KIF18A: variants seen among roughly 807,000 people sequenced by gnomAD.
The protein encoded by KIF18A is kinesin family member 18A.
KIF18A carries 67 observed loss-of-function variants against 103.3 expected under a neutral mutation model. That is an observed-to-expected ratio of 0.65 (90% CI 0.53 to 0.79). KIF18A has a LOEUF of 0.79. Among genes scored for constraint, KIF18A ranks in the 30% least tolerant of loss-of-function variants. The pLI, the probability that KIF18A is intolerant of heterozygous loss-of-function variation, is 0.00. For synonymous variants in KIF18A, 367 were observed against 355.5 expected (o/e 1.03, Z -0.36); for missense variants, 1,032 against 1,062.5 (o/e 0.97, Z 0.40).
intron 15 of KIF18A, among the ~76,000 whole-genome samples, chr11:28,026,846 T>C (rs939562738): frequency 6.6e-6 from 1 of 151,800 alleles, no homozygotes; most frequent in African/African-American, 2.4e-5. Context: ...ACGAAACAGA[T>C]GATTGTGGTT....
At chr11:28,029,488 G>A (rs1315928878) in intron 15 of KIF18A, among the ~76,000 whole-genome samples, 2 of 152,120 alleles carry the variant, frequency 1.3e-5, no homozygotes, top group Non-Finnish European at 2.9e-5. Flanking sequence ...AGCCCTTCAT[G>A]CTAAAAACTC....
At chr11:28,054,969 C>T (rs745678180) in intron 13 of KIF18A, among the ~76,000 whole-genome samples, 10 of 152,062 alleles carry the variant, frequency 6.6e-5, no homozygotes, top group Non-Finnish European at 1.2e-4. Flanking sequence ...TAATGAGCAT[C>T]ATATAGCAGG....
intron 3 of KIF18A, among the ~76,000 whole-genome samples, chr11:28,093,547 G>A (rs1178815384): frequency 6.6e-6 from 1 of 151,976 alleles, no homozygotes; most frequent in Admixed American, 6.6e-5. Flanking sequence ...CTATTAAGAG[G>A]GTAGAAGGCC....
At chr11:28,041,029 T>C (rs1170450299) in intron 13 of KIF18A, among the ~76,000 whole-genome samples, 14 of 151,694 alleles carry the variant, frequency 9.2e-5, no homozygotes, top group African/African-American at 2.4e-5. Context: ...TGAAAAAAAG[T>C]TGTAGTCAGC....
chr11:28,052,413 A>G (rs1359025641), intron 13 of KIF18A, among the ~76,000 whole-genome samples: 1 of 151,838 alleles, frequency 6.6e-6, no homozygotes, highest in African/African-American at 2.4e-5. Context: ...TTTTCTTTGT[A>G]CCAGTTATAT....
intron 13 of KIF18A, among the ~76,000 whole-genome samples, chr11:28,057,745 C>A (rs995401478): frequency 1.3e-5 from 2 of 151,992 alleles, no homozygotes; most frequent in African/African-American, 4.8e-5. Context: ...TGTGAATACA[C>A]AGATGTGTTC....
intron 14 of KIF18A, 24 bp downstream of exon 14, chr11:28,036,193 T>C (rs374574063): frequency 2.3e-5 from 34 of 1,457,348 alleles, no homozygotes; most frequent in African/African-American, 7.1e-5. Flanking sequence ...AAAAAAAGAA[T>C]TGGCAAATAT....
At chr11:28,049,485 A>C (rs184393965) in intron 13 of KIF18A, among the ~76,000 whole-genome samples, 2 of 152,048 alleles carry the variant, frequency 1.3e-5, no homozygotes, top group Non-Finnish European at 2.9e-5. Context: ...ATAGAGCTGT[A>C]TGTTATTGTA....
chr11:28,034,078 C>T (rs1045713282), intron 15 of KIF18A, among the ~76,000 whole-genome samples: 5 of 151,722 alleles, frequency 3.3e-5, no homozygotes, highest in African/African-American at 1.2e-4. Context: ...TTATTGAGTT[C>T]TTCATCTCAG....
intron 13 of KIF18A, among the ~76,000 whole-genome samples, chr11:28,050,004 G>T (rs1850692213): frequency 6.6e-6 from 1 of 151,716 alleles, no homozygotes; most frequent in South Asian, 2.1e-4. Context: ...CATGGTTAGG[G>T]ATGTATAATA....
At chr11:28,031,561 T>G (rs544195261) in intron 15 of KIF18A, among the ~76,000 whole-genome samples, 10 of 151,872 alleles carry the variant, frequency 6.6e-5, no homozygotes, top group African/African-American at 1.9e-4. Flanking sequence ...GGGAAAGCAT[T>G]AGGAGATATA....
chr11:28,052,289 C>A (rs1565076591), intron 13 of KIF18A, among the ~76,000 whole-genome samples: 1 of 152,048 alleles, frequency 6.6e-6, no homozygotes, highest in Non-Finnish European at 1.5e-5. Flanking sequence ...GTCATGGCTC[C>A]TTGTTTTATT....
chr11:28,056,890 A>G (rs1365481553), intron 13 of KIF18A: 3 of 378,842 alleles, frequency 7.9e-6, no homozygotes, highest in Non-Finnish European at 5.3e-6. Context: ...TTTAGCTCAC[A>G]TAAGAAAAAT....
chr11:28,035,204 T>C (rs1485408182), intron 15 of KIF18A, among the ~76,000 whole-genome samples, 183 bp downstream of exon 15: 2 of 151,586 alleles, frequency 1.3e-5, no homozygotes, highest in East Asian at 3.9e-4. Context: ...GTGAAATACT[T>C]GAGTTTTTCA....
At chr11:28,094,899 T>G in intron 2 of KIF18A, 99 bp from the exon 3 acceptor site, 1 of 1,208,356 alleles carries the variant, frequency 8.3e-7, no homozygotes, top group Non-Finnish European at 1.2e-6. Flanking sequence ...TCCTGAACAG[T>G]ATCTTTAAAC....
At chr11:28,088,812 A>G in intron 5 of KIF18A, 91 bp from the exon 6 acceptor site, 1 of 978,742 alleles carries the variant, frequency 1.0e-6, no homozygotes, top group South Asian at 1.5e-5. Flanking sequence ...CAAAATCAAA[A>G]TTATTTTCAT....
chr11:28,045,497 T>G (rs1458062622), intron 13 of KIF18A, among the ~76,000 whole-genome samples: 1 of 151,740 alleles, frequency 6.6e-6, no homozygotes, highest in East Asian at 1.9e-4. Context: ...TAAATAATAT[T>G]TTATTTAATT....
intron 13 of KIF18A, among the ~76,000 whole-genome samples, chr11:28,049,731 T>C (rs1331191225): frequency 6.6e-6 from 1 of 151,980 alleles, no homozygotes; most frequent in African/African-American, 2.4e-5. Context: ...AATATTAATG[T>C]ATACATTTCA....
intron 1 of KIF18A, among the ~76,000 whole-genome samples, chr11:28,098,561 A>G (rs761182889): frequency 2.0e-5 from 3 of 152,188 alleles, no homozygotes; most frequent in Non-Finnish European, 2.9e-5. Flanking sequence ...AGGGTTAAAA[A>G]TAGTTCCAAG....
Sources: allele counts gnomAD v4.1 joint callset (sites outside exome capture counted in the v4.1 genomes callset), GRCh38; gene constraint gnomAD v4.1.1; transcripts MANE v1.5; gene names NCBI Gene and HGNC (gene_info 2026-07-23, HGNC 2026-07-21).